The following PCDHGA3 variants were observed in gnomAD, a reference collection of about 807,000 sequenced individuals.
PCDHGA3 encodes protocadherin gamma subfamily A, 3, also known as protocadherin gamma-A3.
A neutral mutation model predicts 58.5 loss-of-function variants in PCDHGA3; 40 were observed. The ratio of observed to expected loss-of-function variants is 0.68; its 90% CI spans 0.53 to 0.89. The LOEUF is 0.89. Among genes scored for constraint, PCDHGA3 ranks in the 40% least tolerant of loss-of-function variants. The pLI is 0.00. For missense variants in PCDHGA3, 1,223 were observed against 1,195.9 expected (o/e 1.02, Z -0.33); for synonymous variants, 530 against 525.7 (o/e 1.01, Z -0.11).
At chr5:141,372,217 T>C (rs1267940459) in intron 1 of PCDHGA3, 1 of 1,613,446 alleles carries the variant, frequency 6.2e-7, no homozygotes, top group African/African-American at 1.3e-5. Context: ...TCCTACCACA[T>C]TGTGCAGGCC....
intron 1 of PCDHGA3, chr5:141,397,974 C>T: frequency 1.7e-6 from 2 of 1,174,456 alleles, no homozygotes; most frequent in Non-Finnish European, 1.2e-6. Context: ...TCCCCAGCGC[C>T]GGCCTTTACA....
At chr5:141,352,729 C>A in intron 1 of PCDHGA3, 2 of 1,517,986 alleles carry the variant, frequency 1.3e-6, no homozygotes. Flanking sequence ...GTGGCTCAAG[C>A]CTGTAATCCC....
intron 1 of PCDHGA3, chr5:141,441,925 T>C (rs926242217): frequency 2.8e-6 from 1 of 353,614 alleles, no homozygotes; most frequent in Non-Finnish European, 5.4e-6. Flanking sequence ...ACACAATGCG[T>C]GGCTGTCCTA....
intron 1 of PCDHGA3, chr5:141,372,604 C>A: frequency 6.2e-7 from 1 of 1,613,988 alleles, no homozygotes; most frequent in Non-Finnish European, 8.5e-7. Context: ...AAGACTGTAC[C>A]TGGAGTTCTC....
chr5:141,356,162 C>A (rs779976582), intron 1 of PCDHGA3: 1 of 1,613,176 alleles, frequency 6.2e-7, no homozygotes, highest in South Asian at 1.1e-5. Context: ...GATGTAGAAG[C>A]CCATGATGGG....
chr5:141,433,192 A>G (rs756991371), intron 1 of PCDHGA3: 1 of 1,585,516 alleles, frequency 6.3e-7, no homozygotes, highest in Non-Finnish European at 8.6e-7. Flanking sequence ...AGGTGAGTTT[A>G]TATCAAATCT....
chr5:141,347,137 C>CTCTTTCTTTCTTTCTTTATT (rs1757892223), intron 1 of PCDHGA3, among the ~76,000 whole-genome samples: 1 of 113,744 alleles, frequency 8.8e-6, no homozygotes, highest in African/African-American at 3.8e-5. Context: ...CTCTGTTTCT[C>CTCTTTCTTTCTTTCTTTATT]TCTTTCTTTC....
chr5:141,372,265 G>A, intron 1 of PCDHGA3: 1 of 1,613,132 alleles, frequency 6.2e-7, no homozygotes, highest in African/African-American at 1.3e-5. Context: ...CTGCGCACGG[G>A]TGAGGTGCGC....
At chr5:141,371,581 A>G (rs764497164) in intron 1 of PCDHGA3, 3 of 1,613,936 alleles carry the variant, frequency 1.9e-6, no homozygotes, top group East Asian at 2.2e-5. Context: ...AAAATCGTTC[A>G]AGATACCAAA....
intron 1 of PCDHGA3, chr5:141,355,912 A>G: frequency 1.2e-6 from 2 of 1,613,756 alleles, no homozygotes; most frequent in South Asian, 1.1e-5. Flanking sequence ...TACCAACGAT[A>G]ATGCTCCCGT....
At chr5:141,480,198 G>A (rs1280951298) in intron 1 of PCDHGA3, among the ~76,000 whole-genome samples, 2 of 150,780 alleles carry the variant, frequency 1.3e-5, no homozygotes, top group African/African-American at 4.9e-5. Flanking sequence ...GAGGCCAGCA[G>A]TTCAAGACCA....
At chr5:141,361,549 G>C in intron 1 of PCDHGA3, 1 of 1,614,036 alleles carries the variant, frequency 6.2e-7, no homozygotes, top group Non-Finnish European at 8.5e-7. Flanking sequence ...CGCCTCTATC[G>C]CTCAAATCAG....
intron 1 of PCDHGA3, chr5:141,404,606 G>T: frequency 6.2e-7 from 1 of 1,614,106 alleles, no homozygotes; most frequent in Non-Finnish European, 8.5e-7. Flanking sequence ...GAGACTGTTT[G>T]TTTTGGACCA....
rs752301399 is a variant in PCDHGA3, at chr5:141,357,057, G to A, written c.2424+10600G>A. On this transcript the variant is annotated intron_variant, in intron 1 of 3. Transcript: ENST00000253812. ...CCAGCGAGCCGGGACTATTTGCAGTGGGGCTGCACACAGGCGAGGTGCGCA... is the reference window on the plus strand; with the variant it reads ...CCAGCGAGCCGGGACTATTTGCAGTAGGGCTGCACACAGGCGAGGTGCGCA... 1.2e-5 allele frequency: 19 copies of A among 1,614,020 alleles called. No individual in the cohort carries two copies. In the South Asian group the frequency reaches 2.1e-4, roughly 18 times the overall value.
At chr5:141,454,838 C>G (rs1472341694) in intron 1 of PCDHGA3, among the ~76,000 whole-genome samples, 1 of 100,816 alleles carries the variant, frequency 9.9e-6, no homozygotes, top group South Asian at 3.5e-4. Flanking sequence ...GACAGAGTCG[C>G]GCTCTGTCAC....
chr5:141,478,532 G>T, intron 1 of PCDHGA3: 1 of 1,607,858 alleles, frequency 6.2e-7, no homozygotes, highest in East Asian at 2.2e-5. Flanking sequence ...TGCAGAGAGC[G>T]CCCCTCCCGG....
intron 1 of PCDHGA3, chr5:141,399,667 C>T (rs752195462): frequency 1.2e-6 from 2 of 1,613,634 alleles, no homozygotes; most frequent in Non-Finnish European, 8.5e-7. Context: ...GTTCGCGCAG[C>T]GCGCCTTTGA....
chr5:141,352,280 C>A (rs1207514166), intron 1 of PCDHGA3: 5 of 1,614,072 alleles, frequency 3.1e-6, no homozygotes, highest in Non-Finnish European at 4.2e-6. Flanking sequence ...CCTCAGCGAC[C>A]GCCCTGAGCC....
intron 1 of PCDHGA3, chr5:141,362,464 G>A: frequency 3.1e-6 from 5 of 1,614,038 alleles, no homozygotes; most frequent in Non-Finnish European, 3.4e-6. Context: ...ATTGGTTCCC[G>A]CGCAAGATCT....
Sources: allele counts gnomAD v4.1 joint callset (sites outside exome capture counted in the v4.1 genomes callset), GRCh38; gene constraint gnomAD v4.1.1; transcripts MANE v1.5; gene names NCBI Gene and HGNC (gene_info 2026-07-23, HGNC 2026-07-21).